ZCCHC24: variants seen among roughly 807,000 people sequenced by gnomAD.
ZCCHC24 encodes the protein zinc finger CCHC-type containing 24.
ZCCHC24 carries 10 observed loss-of-function variants against 26.2 expected under a neutral mutation model. That is an observed-to-expected ratio of 0.38 (90% CI 0.24 to 0.65). The LOEUF (loss-of-function observed/expected upper bound fraction) is 0.65, where lower values mean the gene tolerates loss of function less well. Ranked by LOEUF, ZCCHC24 falls within the 30% of genes least tolerant of loss-of-function variation. The pLI is 0.54. For synonymous variants in ZCCHC24, 144 were observed against 147.1 expected, an observed-to-expected ratio of 0.98 and a Z score of 0.15; for missense variants, 243 against 329.1, an observed-to-expected ratio of 0.74 and a Z score of 2.03.
chr10:79,413,076 A>G (rs1589668318), intron 2 of ZCCHC24, among the ~76,000 whole-genome samples: 2 of 152,338 alleles, frequency 1.3e-5, no homozygotes, highest in African/African-American at 4.8e-5. Context: ...ATGGAAGTCT[A>G]CCCAGACACC....
intron 1 of ZCCHC24, among the ~76,000 whole-genome samples, chr10:79,435,891 T>C (rs72820323): frequency 0.074 from 11,061 of 150,474 alleles, 500 homozygotes; most frequent in South Asian, 0.16. Flanking sequence ...GGGGACTGGA[T>C]GGAACAGAGG....
At chr10:79,407,272 G>C (rs1224926243) in intron 2 of ZCCHC24, among the ~76,000 whole-genome samples, 2 of 152,192 alleles carry the variant, frequency 1.3e-5, no homozygotes, top group African/African-American at 4.8e-5. Flanking sequence ...CGGTGGTGTG[G>C]GAGCCAGGCT....
chr10:79,430,686 C>CACCA (rs370025190), intron 2 of ZCCHC24, among the ~76,000 whole-genome samples: 2 of 140,698 alleles, frequency 1.4e-5, no homozygotes, highest in South Asian at 4.8e-4. Flanking sequence ...CACACACACA[C>CACCA]CACACACACA....
Position 79,445,590 on chromosome 10 carries a change from G to T in ZCCHC24, c.-150C>A, listed in dbSNP as rs1299154522. 6.5e-6 allele frequency: 4 copies of T among 615,286 alleles called. No individual in the cohort carries two copies. Among genetic ancestry groups the T allele is most frequent in the Non-Finnish European group, 8.2e-6 (4 of 486,236 alleles). The allele number at this position is 615,286 out of a possible 1,614,324, so 38.1% of individuals were successfully genotyped here. On this transcript the variant is annotated 5_prime_UTR_variant, in exon 1 of 4. Coordinates refer to ENST00000372336, the MANE Select transcript of ZCCHC24 (RefSeq NM_153367.4). Reference sequence around the variant, plus strand: ...GCGCCCTGCGCCCCGCGCGCTGCCCGCAGCCGCTGCCGCTGCCGCCGCCTC... The same window carrying T: ...GCGCCCTGCGCCCCGCGCGCTGCCCTCAGCCGCTGCCGCTGCCGCCGCCTC...
rs16937130 is a variant in ZCCHC24 at position 79,385,075 on chromosome 10, G to C, written c.*1270C>G. The C allele has an allele frequency of 0.09, 13,726 of 152,122 alleles. 742 individuals carry two copies. Among genetic ancestry groups the C allele is most frequent in the African/African-American group, 0.15 (6,107 of 41,474 alleles). The allele number at this position is 152,122 out of a possible 1,614,324, so 9.4% of individuals were successfully genotyped here. On this transcript the variant is annotated 3_prime_UTR_variant, in exon 4 of 4. Coordinates refer to ENST00000372336, the MANE Select transcript of ZCCHC24 (RefSeq NM_153367.4). This position sits in a 1 kb window ranked among gnomAD's most constrained non-coding sequence, Gnocchi z 4.3. ...GAGGGGTTCTGTGGCTTGTCTCAGGGTTCTCCATGTCAGGGGCTAGGAGAC... is the reference window on the plus strand; with the variant it reads ...GAGGGGTTCTGTGGCTTGTCTCAGGCTTCTCCATGTCAGGGGCTAGGAGAC...
chr10:79,404,373 T>C (rs1856679847), intron 2 of ZCCHC24, among the ~76,000 whole-genome samples: 1 of 152,200 alleles, frequency 6.6e-6, no homozygotes, highest in African/African-American at 2.4e-5. Flanking sequence ...CTGCTCTGGC[T>C]TTCCTCCCTT....
At chr10:79,418,879 G>A (rs551822104) in intron 2 of ZCCHC24, among the ~76,000 whole-genome samples, 10 of 152,304 alleles carry the variant, frequency 6.6e-5, no homozygotes, top group Non-Finnish European at 1.3e-4. Flanking sequence ...GCCCTGGATG[G>A]TTGGGGAAGA....
chr10:79,403,228 G>C (rs1260592101), intron 2 of ZCCHC24, among the ~76,000 whole-genome samples: 2 of 152,264 alleles, frequency 1.3e-5, no homozygotes, highest in African/African-American at 4.8e-5. Flanking sequence ...TGGGACCTAT[G>C]CATGCCACAT....
intron 2 of ZCCHC24, among the ~76,000 whole-genome samples, chr10:79,419,685 G>A (rs1254566931): frequency 6.6e-6 from 1 of 152,202 alleles, no homozygotes; most frequent in Non-Finnish European, 1.5e-5. Context: ...TGAGCTTGGA[G>A]GAAAGGAGAA....
chr10:79,411,854 G>T (rs935516917), intron 2 of ZCCHC24, among the ~76,000 whole-genome samples: 2 of 152,138 alleles, frequency 1.3e-5, no homozygotes, highest in Non-Finnish European at 2.9e-5. Flanking sequence ...CCCACTCTGA[G>T]AAGGTTTCTC....
At chr10:79,438,940 A>G (rs1857254796) in intron 1 of ZCCHC24, among the ~76,000 whole-genome samples, 1 of 152,194 alleles carries the variant, frequency 6.6e-6, no homozygotes, top group African/African-American at 2.4e-5. Flanking sequence ...TCTTACTGCT[A>G]GAGCATATTT....
chr10:79,442,239 G>T (rs1694309838), intron 1 of ZCCHC24, among the ~76,000 whole-genome samples: 1 of 152,208 alleles, frequency 6.6e-6, no homozygotes, highest in South Asian at 2.1e-4. Context: ...AGGTGCTTGT[G>T]TCCGCTTTGG....
In ZCCHC24 at chr10:79,433,945, C is replaced by T. The variant is rs1857178903; in HGVS notation, c.247-1187G>A. The stretch of plus-strand genomic sequence containing the variant: ...GCACAGGGCACAGTCTTGCCTCCCC[C>T]AACTGAAGCAGATCCTACTTTGCAC... On this transcript the variant is annotated intron_variant, in intron 1 of 3. Coordinates refer to ENST00000372336, the MANE Select transcript of ZCCHC24 (RefSeq NM_153367.4). Among the ~76,000 whole-genome samples the T allele has an allele frequency of 2.0e-5, 3 of 152,342 alleles. No individual in the cohort carries two copies. The South Asian group carries it at 6.2e-4, about 32-fold the overall frequency.
In ZCCHC24 at chr10:79,386,204, G is replaced by A. The variant is rs1269837577; in HGVS notation, c.*141C>T. Reference sequence around the variant, plus strand: ...TTGTCAACACACACAAGACAAGGACGCTAAGAGCCCCCGGCCCAGCCCCGC... The same window carrying A: ...TTGTCAACACACACAAGACAAGGACACTAAGAGCCCCCGGCCCAGCCCCGC... On this transcript the variant is annotated 3_prime_UTR_variant, in exon 4 of 4. Coordinates refer to ENST00000372336, the MANE Select transcript of ZCCHC24 (RefSeq NM_153367.4). 8.6e-6 allele frequency: 6 copies of A among 696,822 alleles called. No homozygotes were observed. The highest frequency in any genetic ancestry group is 2.4e-4 in the Middle Eastern group (1 of 4,112). The allele number at this position is 696,822 out of a possible 1,614,324, so 43.2% of individuals were successfully genotyped here.
chr10:79,411,824 C>T (rs1042478659), intron 2 of ZCCHC24, among the ~76,000 whole-genome samples: 5 of 152,096 alleles, frequency 3.3e-5, no homozygotes, highest in Non-Finnish European at 7.4e-5. Flanking sequence ...GTGCCATGCT[C>T]AGCCCCAGGA....
intron 1 of ZCCHC24, among the ~76,000 whole-genome samples, chr10:79,434,405 G>C (rs767172740): frequency 1.3e-5 from 2 of 152,170 alleles, no homozygotes; most frequent in African/African-American, 4.8e-5. Flanking sequence ...AGGGTCCCCC[G>C]TCCCTGGAGC....
At chr10:79,419,531 A>G (rs1240156559) in intron 2 of ZCCHC24, among the ~76,000 whole-genome samples, 5 of 152,186 alleles carry the variant, frequency 3.3e-5, no homozygotes, top group African/African-American at 1.2e-4. Context: ...TTCACAGCAA[A>G]GGGCACTTGA....
rs140974125 is a variant in ZCCHC24 at position 79,387,433 on chromosome 10, G to A, written c.613-975C>T. 1.2e-3 allele frequency among the ~76,000 whole-genome samples: 183 copies of A among 152,326 alleles called. 1 individual carries two copies. Among genetic ancestry groups the A allele is most frequent in the Non-Finnish European group, 2.1e-3 (145 of 68,024 alleles). On this transcript the variant is annotated intron_variant, in intron 3 of 3. Coordinates refer to ENST00000372336, the MANE Select transcript of ZCCHC24 (RefSeq NM_153367.4). ...TTTCCTCCCCTCCTGACTCTCCAAA[G>A]CTGGCGAAGACTTGTTTCCCTGGAG...
intron 2 of ZCCHC24, among the ~76,000 whole-genome samples, chr10:79,397,796 A>G (rs1856566331): frequency 6.6e-6 from 1 of 152,198 alleles, no homozygotes; most frequent in African/African-American, 2.4e-5. Context: ...ACAGGGGTCA[A>G]GGTACCAGAA....
Sources: allele counts gnomAD v4.1 joint callset (sites outside exome capture counted in the v4.1 genomes callset), GRCh38; gene constraint gnomAD v4.1.1; non-coding constraint Gnocchi (gnomAD v3.1); transcripts MANE v1.5; gene names NCBI Gene and HGNC (gene_info 2026-07-23, HGNC 2026-07-21).